MGAT4C: variants seen among roughly 807,000 people sequenced by gnomAD.
MGAT4C encodes alpha-1,3-mannosyl-glycoprotein 4-beta-N-acetylglucosaminyltransferase C.
MGAT4C carries 19 observed loss-of-function variants against 40.1 expected under a neutral mutation model. The ratio of observed to expected loss-of-function variants is 0.47; its 90% CI spans 0.33 to 0.70. MGAT4C has a LOEUF of 0.70. Ranked by LOEUF, MGAT4C falls within the 30% of genes least tolerant of loss-of-function variation. The pLI is 0.02. For missense variants in MGAT4C, 491 were observed against 563.2 expected, an observed-to-expected ratio of 0.87 and a Z score of 1.30; for synonymous variants, 181 against 187.1, an observed-to-expected ratio of 0.97 and a Z score of 0.27.
At chr12:86,303,988 C>T (rs1953875441) in intron 4 of MGAT4C, among the ~76,000 whole-genome samples, 1 of 150,120 alleles carries the variant, frequency 6.7e-6, no homozygotes, top group African/African-American at 2.5e-5. Context: ...GTAGGCATTC[C>T]AAGTAAAGCT....
chr12:86,024,908 G>GT (rs920642537), intron 2 of MGAT4C, among the ~76,000 whole-genome samples: 57 of 148,432 alleles, frequency 3.8e-4, no homozygotes, highest in Middle Eastern at 6.9e-3. Flanking sequence ...ACCCGAACTA[G>GT]TTTTTTTTTT....
intron 1 of MGAT4C, among the ~76,000 whole-genome samples, chr12:86,765,101 GA>G (rs1951480660): frequency 6.6e-6 from 1 of 152,146 alleles, no homozygotes; most frequent in Admixed American, 6.5e-5. Flanking sequence ...CAAAGGCAAA[GA>G]AGTTAAAAAC....
intron 1 of MGAT4C, among the ~76,000 whole-genome samples, chr12:86,164,272 T>C (rs931472052): frequency 1.3e-5 from 2 of 152,222 alleles, no homozygotes; most frequent in African/African-American, 2.4e-5. Flanking sequence ...GTTTCCTTGA[T>C]GATTTTGGTA....
At chr12:86,291,258 CA>C (rs1420258473) in intron 4 of MGAT4C, among the ~76,000 whole-genome samples, 2 of 152,196 alleles carry the variant, frequency 1.3e-5, no homozygotes, top group African/African-American at 4.8e-5. Flanking sequence ...CAAATAGCCA[CA>C]AGTCCGGGTT....
chr12:86,738,144 T>C (rs775018018), intron 1 of MGAT4C, among the ~76,000 whole-genome samples: 12 of 151,524 alleles, frequency 7.9e-5, no homozygotes, highest in Non-Finnish European at 1.6e-4. Context: ...ACTCAGTCAT[T>C]GCCTACTCCG....
intron 1 of MGAT4C, among the ~76,000 whole-genome samples, chr12:86,732,409 C>A (rs1214519388): frequency 2.6e-5 from 4 of 152,090 alleles, no homozygotes; most frequent in Non-Finnish European, 4.4e-5. Context: ...CATTGTAATA[C>A]ATAATGAAAT....
chr12:86,232,005 G>T (rs1197642293), intron 1 of MGAT4C, among the ~76,000 whole-genome samples: 1 of 152,070 alleles, frequency 6.6e-6, no homozygotes, highest in Non-Finnish European at 1.5e-5. Flanking sequence ...ATCTGGGCAT[G>T]GTGGCAAGCG....
At chr12:86,653,320 C>G (rs563244438) in intron 2 of MGAT4C, among the ~76,000 whole-genome samples, 1 of 151,900 alleles carries the variant, frequency 6.6e-6, no homozygotes, top group African/African-American at 2.4e-5. Context: ...TTCCGCTCAC[C>G]TCAAAAAGCT....
rs560475315 is a variant in MGAT4C, at chr12:86,088,231, A to G, written c.-56-38508T>C. ...ATATACAGAAATCAACTCAAGATGA[A>G]TTAAAGACTTAAATGTAAAACCTAA... On this transcript the variant is annotated intron_variant, in intron 1 of 4. Transcript: ENST00000611864. 3.3e-5 allele frequency among the ~76,000 whole-genome samples: 5 copies of G among 152,230 alleles called. No individual in the cohort carries two copies. The South Asian group carries it at 1.0e-3, about 32-fold the overall frequency.
At chr12:86,310,598 T>C (rs1954047995) in intron 4 of MGAT4C, among the ~76,000 whole-genome samples, 1 of 152,114 alleles carries the variant, frequency 6.6e-6, no homozygotes, top group Non-Finnish European at 1.5e-5. Flanking sequence ...GATTGTGGCC[T>C]ATGGCTACCA....
At chr12:86,347,979 C>G (rs948359821) in intron 3 of MGAT4C, among the ~76,000 whole-genome samples, 4 of 152,018 alleles carry the variant, frequency 2.6e-5, no homozygotes, top group Non-Finnish European at 4.4e-5. Context: ...GTGTGATAAC[C>G]AAATTAATAA....
intron 2 of MGAT4C, among the ~76,000 whole-genome samples, chr12:86,532,043 G>A (rs2136373744): frequency 6.6e-6 from 1 of 151,798 alleles, no homozygotes; most frequent in East Asian, 1.9e-4. Context: ...AAGAATATCA[G>A]TCAAGTTATC....
intron 1 of MGAT4C, among the ~76,000 whole-genome samples, chr12:86,795,355 G>A (rs1952096769): frequency 1.3e-5 from 2 of 151,910 alleles, no homozygotes; most frequent in South Asian, 4.1e-4. Context: ...TTTTAAGACA[G>A]TAGCTCTCAA....
Position 86,703,729 on chromosome 12 carries a change from A to T in MGAT4C, c.-229+23480T>A, listed in dbSNP as rs138140660. ...TATTCACTTTATTGTTGTTGTCTGG[A>T]GCCTAACCCACATTATCTCCTATGT... On this transcript the variant is annotated intron_variant, in intron 2 of 7. Coordinates refer to the MGAT4C transcript ENST00000548651. Among the ~76,000 whole-genome samples, 497 of 152,256 alleles carry T rather than the reference A, an allele frequency of 3.3e-3. 3 individuals are homozygous for T. The highest frequency in any genetic ancestry group is 0.011 in the African/African-American group (476 of 41,564).
intron 4 of MGAT4C, among the ~76,000 whole-genome samples, chr12:86,296,583 C>T (rs1394346585): frequency 2.6e-5 from 4 of 152,200 alleles, no homozygotes; most frequent in East Asian, 1.9e-4. Flanking sequence ...AGAAATCGAG[C>T]GCAGCGCCGG....
intron 1 of MGAT4C, among the ~76,000 whole-genome samples, chr12:86,157,864 A>T (rs980445960): frequency 6.6e-6 from 1 of 152,120 alleles, no homozygotes; most frequent in African/African-American, 2.4e-5. Context: ...TCCTCCTCCG[A>T]CATGTGGGGA....
rs71076196 is a variant in MGAT4C, at chr12:86,405,968, CAT to C, written c.-120+29187_-120+29188del. Among the ~76,000 whole-genome samples, 295 of 65,950 alleles carry C rather than the reference CAT, an allele frequency of 4.5e-3. 10 individuals are homozygous for C. Among genetic ancestry groups the C allele is most frequent in the Middle Eastern group, 7.8e-3 (1 of 128 alleles). 43.3% of individuals were successfully genotyped at this position (65,950 alleles called of 152,430 possible). A position where few individuals can be genotyped will look rare whatever the true frequency, so the allele number is the denominator to read the frequency against. ...AATACATGTATGTATTTATATTATA[CAT>C]ATATATATATATACACAAAAAATAT... is the stretch of plus-strand genomic sequence containing the variant. On this transcript the variant is annotated intron_variant, in intron 3 of 7. Transcript: ENST00000548651.
At chr12:86,772,508 TCTC>T (rs910852412) in intron 1 of MGAT4C, among the ~76,000 whole-genome samples, 7 of 152,100 alleles carry the variant, frequency 4.6e-5, no homozygotes, top group African/African-American at 1.7e-4. Context: ...AGTAGGTTTG[TCTC>T]CTCCTTGGTT....
intron 1 of MGAT4C, among the ~76,000 whole-genome samples, chr12:86,104,818 A>C (rs1376080810): frequency 1.3e-5 from 2 of 151,838 alleles, no homozygotes; most frequent in Non-Finnish European, 2.9e-5. Flanking sequence ...AGTTATCAGA[A>C]CACTTAGGTA....
Sources: allele counts gnomAD v4.1 joint callset (sites outside exome capture counted in the v4.1 genomes callset), GRCh38; gene constraint gnomAD v4.1.1; transcripts MANE v1.5; gene names NCBI Gene and HGNC (gene_info 2026-07-23, HGNC 2026-07-21).